POC1A: variants seen among roughly 807,000 people sequenced by gnomAD.
POC1A encodes POC1 centriolar protein A.
A neutral mutation model predicts 47.8 loss-of-function variants in POC1A; 34 were observed. The ratio of observed to expected loss-of-function variants is 0.71; its 90% CI spans 0.54 to 0.95. The LOEUF (loss-of-function observed/expected upper bound fraction) is 0.95, where lower values mean the gene tolerates loss of function less well. Among genes scored for constraint, POC1A ranks in the 40% least tolerant of loss-of-function variants. The pLI is 0.00. For missense variants in POC1A, 466 were observed against 528.3 expected, an observed-to-expected ratio of 0.88 and a Z score of 1.16; for synonymous variants, 177 against 207.6, an observed-to-expected ratio of 0.85 and a Z score of 1.27.
chr3:52,096,236 C>T (rs143839262), intron 10 of POC1A, among the ~76,000 whole-genome samples: 1 of 152,394 alleles, frequency 6.6e-6, no homozygotes, highest in Non-Finnish European at 1.5e-5. Context: ...TGGCATGCCC[C>T]TGCAGTGCCC....
chr3:52,081,091 T>A (rs918858641), intron 10 of POC1A, among the ~76,000 whole-genome samples: 8 of 152,238 alleles, frequency 5.3e-5, no homozygotes, highest in African/African-American at 1.9e-4. Flanking sequence ...CTGGAAGCCA[T>A]GGCCCTTCTC....
intron 7 of POC1A, among the ~76,000 whole-genome samples, chr3:52,132,502 G>A (rs1014336534): frequency 6.6e-6 from 1 of 152,126 alleles, no homozygotes; most frequent in African/African-American, 2.4e-5. Context: ...AGGCTCTGGT[G>A]TTCCCAGGGC....
chr3:52,075,653 G>A lies in POC1A; in HGVS notation c.*234C>T, dbSNP rs1186153958. 7 of 396,158 alleles carry A rather than the reference G, an allele frequency of 1.8e-5. No homozygotes were observed. Among genetic ancestry groups the A allele is most frequent in the African/African-American group, 1.0e-4 (5 of 50,178 alleles). The allele number at this position is 396,158 out of a possible 1,614,324, so 24.5% of individuals were successfully genotyped here. A position where few individuals can be genotyped will look rare whatever the true frequency, so the allele number is the denominator to read the frequency against. ...TAAGCAAAATGTGGTCCTCTCATTC[G>A]GGTCTGAAGCATCATTTGTGTGTGA... On this transcript the variant is annotated 3_prime_UTR_variant, in exon 11 of 11. Transcript: ENST00000296484.
chr3:52,089,774 TA>T (rs1283592850), intron 10 of POC1A, among the ~76,000 whole-genome samples: 1 of 152,164 alleles, frequency 6.6e-6, no homozygotes, highest in African/African-American at 2.4e-5. Flanking sequence ...TGTATAACTA[TA>T]AAATTGGGGG....
intron 9 of POC1A, among the ~76,000 whole-genome samples, chr3:52,103,800 T>A (rs1703079013): frequency 6.6e-6 from 1 of 152,064 alleles, no homozygotes; most frequent in Non-Finnish European, 1.5e-5. Context: ...TACAACTATA[T>A]GCGTATTAGA....
chr3:52,133,648 G>A (rs1003249228), intron 7 of POC1A, among the ~76,000 whole-genome samples: 1 of 152,152 alleles, frequency 6.6e-6, no homozygotes, highest in Non-Finnish European at 1.5e-5. Flanking sequence ...TGTACCTTAG[G>A]AGACAACTGA....
intron 10 of POC1A, among the ~76,000 whole-genome samples, chr3:52,080,600 T>A (rs1702249562): frequency 6.6e-6 from 1 of 152,142 alleles, no homozygotes; most frequent in African/African-American, 2.4e-5. Context: ...GTCATAAGGA[T>A]AATTCATGTG....
chr3:52,127,407 T>C (rs1197638229), intron 7 of POC1A, among the ~76,000 whole-genome samples: 1 of 152,026 alleles, frequency 6.6e-6, no homozygotes, highest in Non-Finnish European at 1.5e-5. Context: ...TTTTTTTTTT[T>C]TGAGGCAGAG....
intron 7 of POC1A, among the ~76,000 whole-genome samples, chr3:52,126,572 G>A (rs929293016): frequency 7.9e-5 from 12 of 152,318 alleles, no homozygotes; most frequent in South Asian, 2.1e-4. Context: ...CAGTCTGTGC[G>A]GTGACCCTTT....
At chr3:52,134,998 G>A (rs920408454) in intron 7 of POC1A, among the ~76,000 whole-genome samples, 11 of 152,278 alleles carry the variant, frequency 7.2e-5, no homozygotes, top group African/African-American at 2.6e-4. Flanking sequence ...AACAGAATGT[G>A]AAAGATGAAG....
At chr3:52,078,503 CTT>C (rs531817608) in intron 10 of POC1A, among the ~76,000 whole-genome samples, 6 of 113,530 alleles carry the variant, frequency 5.3e-5, no homozygotes, top group Non-Finnish European at 3.6e-5. Flanking sequence ...ATGGAAATCT[CTT>C]TTTTTTTTTT....
intron 9 of POC1A, among the ~76,000 whole-genome samples, chr3:52,118,188 T>C (rs1490501299): frequency 1.3e-5 from 2 of 152,240 alleles, no homozygotes; most frequent in South Asian, 2.1e-4. Context: ...CCTTGTAGCA[T>C]GTCACAAGGC....
intron 2 of POC1A, 74 bp downstream of exon 2, chr3:52,150,942 C>T: frequency 2.2e-6 from 3 of 1,356,234 alleles, no homozygotes; most frequent in Non-Finnish European, 3.2e-6. Flanking sequence ...GCTTCCCACC[C>T]ACCACCCCTC....
chr3:52,109,399 G>C (rs547567996), intron 9 of POC1A, among the ~76,000 whole-genome samples: 1 of 152,142 alleles, frequency 6.6e-6, no homozygotes, highest in Non-Finnish European at 1.5e-5. Context: ...GTGGTACATG[G>C]GGTTTGTTAC....
chr3:52,117,916 G>C (rs953910000), intron 9 of POC1A, among the ~76,000 whole-genome samples: 3 of 152,254 alleles, frequency 2.0e-5, no homozygotes, highest in African/African-American at 4.8e-5. Flanking sequence ...AGGGGTTTGG[G>C]AGGTGTTAAA....
intron 9 of POC1A, among the ~76,000 whole-genome samples, chr3:52,100,254 G>T (rs1176538364): frequency 1.3e-5 from 2 of 152,208 alleles, no homozygotes; most frequent in Non-Finnish European, 2.9e-5. Flanking sequence ...AAAAACAAAA[G>T]AAACAGCTTG....
chr3:52,124,654 C>G (rs1020223110), intron 8 of POC1A, among the ~76,000 whole-genome samples: 1 of 152,120 alleles, frequency 6.6e-6, no homozygotes, highest in East Asian at 1.9e-4. Flanking sequence ...CCTCATCTAC[C>G]GCACGGGGAG....
chr3:52,109,430 A>G (rs915878569), intron 9 of POC1A, among the ~76,000 whole-genome samples: 9 of 152,234 alleles, frequency 5.9e-5, no homozygotes, highest in Admixed American at 1.3e-4. Context: ...CTTTTGTGCT[A>G]GCTTGAAATT....
intron 2 of POC1A, 63 bp from the exon 3 acceptor site, chr3:52,150,050 A>G: frequency 7.0e-7 from 1 of 1,426,866 alleles, no homozygotes. Context: ...CCACCAAGAC[A>G]TTGGAGAGGC....
Sources: gnomAD v4.1 joint callset for allele counts (sites outside exome capture counted in the v4.1 genomes callset) on GRCh38, gnomAD v4.1.1 for gene constraint, MANE v1.5 for transcripts, NCBI Gene and HGNC (gene_info 2026-07-23, HGNC 2026-07-21) for gene names.